Variants in ANXA10 observed in about 807,000 individuals in gnomAD.
ANXA10 encodes the protein annexin A10.
Under a neutral mutation model 53.5 loss-of-function variants are expected in ANXA10, and 49 were observed. The ratio of observed to expected loss-of-function variants is 0.92; its 90% CI spans 0.73 to 1.16. The LOEUF (loss-of-function observed/expected upper bound fraction) is 1.16. Ranked by LOEUF, ANXA10 falls within the 50% of genes most tolerant of loss-of-function variation. The pLI is 0.00. For missense variants in ANXA10, 393 were observed against 394.4 expected (o/e 1.00, Z 0.03); for synonymous variants, 131 against 128.9 (o/e 1.02, Z -0.11).
intron 11 of ANXA10, among the ~76,000 whole-genome samples, chr4:168,186,333 A>G (rs960721802): frequency 6.6e-6 from 1 of 152,228 alleles, no homozygotes; most frequent in African/African-American, 2.4e-5. Flanking sequence ...TCTACAGAAA[A>G]TCATTAATAA....
intron 9 of ANXA10, 79 bp downstream of exon 9, chr4:168,179,391 T>C (rs1732196190): frequency 2.1e-6 from 2 of 972,716 alleles, no homozygotes; most frequent in Non-Finnish European, 3.1e-6. Flanking sequence ...GAACTAAAGA[T>C]GCATGAGTAA....
intron 2 of ANXA10, among the ~76,000 whole-genome samples, chr4:168,134,376 CAT>C (rs1731201619): frequency 6.6e-6 from 1 of 151,998 alleles, no homozygotes; most frequent in African/African-American, 2.4e-5. Context: ...TATTGAGATT[CAT>C]ATAAAATATC....
rs373434924 is a variant in ANXA10 at position 168,152,732 on chromosome 4, G to A, written c.196-9796G>A. ...TAAATTACATATATATATATGTATC[G>A]CCTCCCAGCAATTCTATTTATATAA... On this transcript the variant is annotated intron_variant, in intron 3 of 11. Transcript: ENST00000359299. Among the ~76,000 whole-genome samples, 56 of 148,888 alleles carry A rather than the reference G, an allele frequency of 3.8e-4. 1 individual carries two copies. Among genetic ancestry groups the A allele is most frequent in the East Asian group, 2.9e-3 (15 of 5,120 alleles).
At chr4:168,132,422 A>G (rs914223000) in intron 2 of ANXA10, among the ~76,000 whole-genome samples, 8 of 152,080 alleles carry the variant, frequency 5.3e-5, no homozygotes, top group Admixed American at 5.2e-4. Context: ...TCTAAAAATC[A>G]AAACAATTTA....
At chr4:168,177,689 T>G (rs760692844) in intron 6 of ANXA10, 51 bp from the exon 7 acceptor site, 32 of 1,567,832 alleles carry the variant, frequency 2.0e-5, no homozygotes, top group African/African-American at 2.7e-5. Flanking sequence ...TAATCCAATA[T>G]GAGTTGCTGA....
chr4:168,100,983 C>T (rs547823222), intron 1 of ANXA10, among the ~76,000 whole-genome samples: 1 of 151,996 alleles, frequency 6.6e-6, no homozygotes, highest in Non-Finnish European at 1.5e-5. Context: ...CTTTGGTTTC[C>T]TGCTTGATAT....
chr4:168,115,119 G>A (rs1730871821), intron 1 of ANXA10, among the ~76,000 whole-genome samples: 1 of 152,156 alleles, frequency 6.6e-6, no homozygotes. Context: ...CTGGGCTGAA[G>A]CAATCTACCT....
intron 3 of ANXA10, among the ~76,000 whole-genome samples, chr4:168,161,855 C>A (rs1217022448): frequency 6.6e-6 from 1 of 152,030 alleles, no homozygotes; most frequent in Non-Finnish European, 1.5e-5. Context: ...CATGATTTGG[C>A]TCTTGGCTTG....
At chr4:168,092,847 C>G in intron 1 of ANXA10, 129 bp downstream of exon 1, 1 of 791,532 alleles carries the variant, frequency 1.3e-6, no homozygotes, top group East Asian at 3.2e-5. Context: ...TTACTACTTT[C>G]TTACTATTTT....
At chr4:168,095,659 T>C (rs1455339018) in intron 1 of ANXA10, among the ~76,000 whole-genome samples, 1 of 152,128 alleles carries the variant, frequency 6.6e-6, no homozygotes, top group African/African-American at 2.4e-5. Context: ...CCCAAATGTT[T>C]TATACATATT....
chr4:168,178,140 T>TATTTAATGAC, intron 8 of ANXA10, 157 bp downstream of exon 8: 1 of 630,868 alleles, frequency 1.6e-6, no homozygotes, highest in Non-Finnish European at 2.7e-6. Context: ...AGATGTGCCT[T>TATTTAATGAC]ATTTAATGAC....
chr4:168,154,010 ACG>A (rs1332972319), intron 3 of ANXA10, among the ~76,000 whole-genome samples: 5 of 151,048 alleles, frequency 3.3e-5, no homozygotes, highest in South Asian at 2.1e-4. Flanking sequence ...ACACGCACAC[ACG>A]CGCGCGCGCG....
intron 8 of ANXA10, among the ~76,000 whole-genome samples, chr4:168,178,694 G>A (rs182420667): frequency 2.6e-5 from 4 of 152,184 alleles, no homozygotes; most frequent in African/African-American, 9.6e-5. Flanking sequence ...AACTAAGTTC[G>A]TGAAATAAAG....
chr4:168,116,842 T>A (rs1377388598), intron 1 of ANXA10, among the ~76,000 whole-genome samples: 3 of 152,164 alleles, frequency 2.0e-5, no homozygotes, highest in Non-Finnish European at 4.4e-5. Context: ...CTCTCATTTT[T>A]TAAATCCATG....
intron 6 of ANXA10, among the ~76,000 whole-genome samples, chr4:168,169,951 G>A (rs11730610): frequency 0.022 from 3,306 of 152,170 alleles, 199 homozygotes; most frequent in East Asian, 0.14. Context: ...CACAAGTTCC[G>A]AAAATGAAAC....
intron 1 of ANXA10, among the ~76,000 whole-genome samples, chr4:168,121,918 A>T (rs915912219): frequency 2.6e-5 from 4 of 152,046 alleles, no homozygotes; most frequent in Non-Finnish European, 5.9e-5. Flanking sequence ...GTCTCCACTC[A>T]CGGCAACCTC....
Position 168,187,454 on chromosome 4 carries a change from A to ACTCCTCTTT in ANXA10, c.*22_*23insCCTCTTTCT. On this transcript the variant is annotated 3_prime_UTR_variant, in exon 12 of 12. Coordinates refer to ENST00000359299, the MANE Select transcript of ANXA10 (RefSeq NM_007193.5). ...TACTAAAATGAAGAGGACTTGGAGT[A>ACTCCTCTTT]CTGTGCACTCCTCTTTCTAGACACT... 1 of 1,521,922 alleles carries ACTCCTCTTT rather than the reference A, an allele frequency of 6.6e-7. No individual in the cohort carries two copies. The highest frequency in any genetic ancestry group is 9.0e-7 in the Non-Finnish European group (1 of 1,116,744). 94.3% of individuals were successfully genotyped at this position (1,521,922 alleles called of 1,614,324 possible).
At chr4:168,173,969 G>A (rs1732069228) in intron 6 of ANXA10, among the ~76,000 whole-genome samples, 1 of 152,090 alleles carries the variant, frequency 6.6e-6, no homozygotes, top group African/African-American at 2.4e-5. Context: ...TCAGAGCAGG[G>A]GATTGCCCAC....
chr4:168,108,143 A>G (rs1283515281), intron 1 of ANXA10, among the ~76,000 whole-genome samples: 1 of 152,172 alleles, frequency 6.6e-6, no homozygotes, highest in Non-Finnish European at 1.5e-5. Context: ...ACTAGAGTAT[A>G]ATGAGCAGTG....
Sources: gnomAD v4.1 joint callset for allele counts (sites outside exome capture counted in the v4.1 genomes callset) on GRCh38, gnomAD v4.1.1 for gene constraint, MANE v1.5 for transcripts, NCBI Gene and HGNC (gene_info 2026-07-23, HGNC 2026-07-21) for gene names.